Variants in RFWD3 observed in about 807,000 individuals in gnomAD.
The protein encoded by RFWD3 is E3 ubiquitin-protein ligase RFWD3.
In RFWD3, 65 loss-of-function variants were observed where a neutral mutation model predicts 87.7. The ratio of observed to expected loss-of-function variants is 0.74; its 90% confidence interval spans 0.61 to 0.91. The LOEUF (loss-of-function observed/expected upper bound fraction) is 0.91. Ranked by LOEUF, RFWD3 falls within the 40% of genes least tolerant of loss-of-function variation. The pLI is 0.00. For missense variants in RFWD3, 1,078 were observed against 938.5 expected (o/e 1.15, Z -1.94); for synonymous variants, 433 against 352.8 (o/e 1.23, Z -2.55).
Position 74,643,820 on chromosome 16 carries a change from C to T in RFWD3, c.1079+542G>A, listed in dbSNP as rs188591436. The stretch of plus-strand genomic sequence containing the variant: ...CCTCCTCAGTAGCTGGGATTACAGG[C>T]GTCCGCCACTATGCCCGGCTAATTT... On this transcript the variant is annotated intron_variant, in intron 6 of 12. Coordinates refer to ENST00000361070, the MANE Select transcript of RFWD3 (RefSeq NM_018124.4). 1.5e-3 allele frequency among the ~76,000 whole-genome samples: 226 copies of T among 152,122 alleles called. 1 individual carries two copies. The South Asian group carries it at 0.015, about 10-fold the overall frequency.
In RFWD3 at chr16:74,661,403, T is replaced by A. The variant is rs769162333; in HGVS notation, c.47A>T (p.His16Leu). The A allele has an allele frequency of 6.2e-7, 1 of 1,613,808 alleles. No homozygotes were observed. The highest frequency in any genetic ancestry group is 1.1e-5 in the South Asian group (1 of 91,078). The change falls in exon 2 of 13, where the codon CAT (histidine) becomes CTT (leucine). Residue 16 changes from histidine (H) to leucine (L), a missense_variant. His to Leu is a moderately conservative substitution (Grantham distance 99). Transcript: ENST00000361070. ...MEYDVQVQLNHAEQQPAPAGM... is the reference protein window; with the variant it reads ...MEYDVQVQLNLAEQQPAPAGM... ...AGCAGGAGCTGGCTGTTGTTCGGCA[T>A]GATTTAACTGCACCTGAACATCATA...
chr16:74,632,433 CAG>C, intron 9 of RFWD3, 88 bp downstream of exon 9: 2 of 1,403,842 alleles, frequency 1.4e-6, no homozygotes, highest in Non-Finnish European at 2.0e-6. Flanking sequence ...CAACAAAAAA[CAG>C]AGCTAAGGTC....
chr16:74,652,564 G>C (rs1960651165), intron 2 of RFWD3, among the ~76,000 whole-genome samples: 1 of 152,060 alleles, frequency 6.6e-6, no homozygotes, highest in Non-Finnish European at 1.5e-5. Context: ...ACAGGGTCTG[G>C]CTTCTGTAAT....
intron 1 of RFWD3, among the ~76,000 whole-genome samples, chr16:74,664,016 G>C (rs1324427771): frequency 6.6e-6 from 1 of 152,184 alleles, no homozygotes; most frequent in Non-Finnish European, 1.5e-5. Context: ...GAAAACTGGA[G>C]GTTTGAACCA....
chr16:74,644,658 A>G lies in RFWD3; in HGVS notation c.870T>C (p.Cys290=), dbSNP rs1298198220. 2 of 1,614,240 alleles carry G rather than the reference A, an allele frequency of 1.2e-6. No homozygotes were observed. Among genetic ancestry groups the G allele is most frequent in the East Asian group, 4.5e-5 (2 of 44,890 alleles). Residue 290 remains cysteine (C), a synonymous_variant, in exon 5 of 13, where the codon TGT becomes TGC. Transcript: ENST00000361070. The stretch of plus-strand genomic sequence containing the variant: ...CCCCAGCATTGGTCCACTGTTCCAG[A>G]CATATTGTACAAGTGTCCCCTTCTT... ...DEEEGDTCTI[C]LEQWTNAGDH...
intron 12 of RFWD3, 77 bp downstream of exon 12, chr16:74,626,266 A>G: frequency 3.0e-6 from 4 of 1,354,948 alleles, no homozygotes; most frequent in East Asian, 4.6e-5. Context: ...CTTCTGTAAA[A>G]AAAGTTCATG....
Position 74,658,207 on chromosome 16 carries a change from G to C in RFWD3, c.518+2725C>G, listed in dbSNP as rs557849674. Among the ~76,000 whole-genome samples the C allele has an allele frequency of 7.5e-4, 114 of 152,228 alleles. 4 individuals carry two copies. In the South Asian group the frequency reaches 0.022, roughly 30 times the overall value. On this transcript the variant is annotated intron_variant, in intron 2 of 12. Transcript: ENST00000361070. The stretch of plus-strand genomic sequence containing the variant: ...TAGTCCTAGACTCCGTATGCTCCAG[G>C]AAAACAATATTGTGATCTGTGTTAT...
At chr16:74,626,587 G>A (rs1210301212) in intron 11 of RFWD3, 33 bp from the exon 12 acceptor site, 1 of 1,571,842 alleles carries the variant, frequency 6.4e-7, no homozygotes, top group Non-Finnish European at 8.7e-7. Context: ...CTGCACCATG[G>A]GGACGCTACA....
At chr16:74,636,311 A>C (rs766658885) in intron 8 of RFWD3, 35 bp downstream of exon 8, 1 of 1,571,184 alleles carries the variant, frequency 6.4e-7, no homozygotes, top group South Asian at 1.1e-5. Flanking sequence ...GGAGTCTAAT[A>C]AAGAACATGA....
At chr16:74,659,040 G>T (rs148561736) in intron 2 of RFWD3, among the ~76,000 whole-genome samples, 123 of 152,252 alleles carry the variant, frequency 8.1e-4, no homozygotes, top group African/African-American at 2.8e-3. Flanking sequence ...GATTACAGGC[G>T]TGAGCCACTA....
chr16:74,631,496 A>G (rs1157264569), intron 9 of RFWD3, among the ~76,000 whole-genome samples: 1 of 150,746 alleles, frequency 6.6e-6, no homozygotes, highest in African/African-American at 2.4e-5. Context: ...AATAAATAAT[A>G]ACCCAACCAA....
At chr16:74,632,019 G>A (rs1959112502) in intron 9 of RFWD3, among the ~76,000 whole-genome samples, 1 of 152,146 alleles carries the variant, frequency 6.6e-6, no homozygotes, top group South Asian at 2.1e-4. Flanking sequence ...ATACAGTTTT[G>A]TAACCTTCTG....
chr16:74,633,466 T>C (rs1959166271), intron 8 of RFWD3, among the ~76,000 whole-genome samples: 1 of 151,798 alleles, frequency 6.6e-6, no homozygotes, highest in Non-Finnish European at 1.5e-5. Flanking sequence ...TACTAATATA[T>C]ACAATAAAAA....
chr16:74,637,122 TAAAAAAAA>T (rs759556308), intron 7 of RFWD3, among the ~76,000 whole-genome samples: 3 of 101,804 alleles, frequency 2.9e-5, no homozygotes, highest in Non-Finnish European at 5.7e-5. Context: ...TAAAGTCCTT[TAAAAAAAA>T]AAAAAAAAAA....
chr16:74,628,394 C>T, intron 11 of RFWD3, 58 bp downstream of exon 11: 1 of 1,530,454 alleles, frequency 6.5e-7, no homozygotes, highest in South Asian at 1.1e-5. Context: ...AACCCTCCTT[C>T]CCTTTTCTCT....
chr16:74,657,619 GCACCCGCCACCA>G (rs1204098926), intron 2 of RFWD3, among the ~76,000 whole-genome samples: 2 of 151,896 alleles, frequency 1.3e-5, no homozygotes, highest in African/African-American at 4.8e-5. Context: ...GGGATTATGG[GCACCCGCCACCA>G]CACCCGACTA....
intron 4 of RFWD3, 84 bp from the exon 5 acceptor site, chr16:74,644,819 A>G: frequency 7.7e-7 from 1 of 1,296,724 alleles, no homozygotes; most frequent in Non-Finnish European, 1.1e-6. Context: ...AATTAACAGA[A>G]GTGCAAAAAA....
intron 4 of RFWD3, among the ~76,000 whole-genome samples, chr16:74,647,618 G>C (rs891946552): frequency 4.6e-5 from 7 of 151,696 alleles, no homozygotes; most frequent in Admixed American, 2.0e-4. Flanking sequence ...TTGAGATGAA[G>C]TCGTGCTCCG....
At chr16:74,645,040 T>C (rs1960013097) in intron 4 of RFWD3, among the ~76,000 whole-genome samples, 1 of 152,216 alleles carries the variant, frequency 6.6e-6, no homozygotes, top group Non-Finnish European at 1.5e-5. Flanking sequence ...AACTCATGTG[T>C]ACCAGAGGGC....
Sources: allele counts gnomAD v4.1 joint callset (sites outside exome capture counted in the v4.1 genomes callset), GRCh38; gene constraint gnomAD v4.1.1; transcripts MANE v1.5; gene names NCBI Gene and HGNC (gene_info 2026-07-23, HGNC 2026-07-21).